FRYL: variants seen among roughly 807,000 people sequenced by gnomAD.
The protein encoded by FRYL is protein furry homolog-like.
FRYL carries 150 observed loss-of-function variants against 351.2 expected under a neutral mutation model. The observed-to-expected ratio is 0.43, with a 90% confidence interval of 0.37 to 0.49. The LOEUF (loss-of-function observed/expected upper bound fraction) is 0.49, where lower values mean the gene tolerates loss of function less well. Among genes scored for constraint, FRYL ranks in the 20% least tolerant of loss-of-function variants. The probability of loss-of-function intolerance (pLI) is 0.00; values close to 1 mark genes in which losing one functional copy is unlikely to be tolerated. For synonymous variants in FRYL, 1,153 were observed against 1,257.1 expected, an observed-to-expected ratio of 0.92 and a Z score of 1.75; for missense variants, 3,036 against 3,619.3, an observed-to-expected ratio of 0.84 and a Z score of 4.13.
chr4:48,701,665 T>A (rs1382130831), intron 2 of FRYL, among the ~76,000 whole-genome samples: 4 of 152,186 alleles, frequency 2.6e-5, no homozygotes, highest in African/African-American at 9.7e-5. Flanking sequence ...AGTAAACTAA[T>A]CCTTGTCAAT....
chr4:48,646,468 A>C lies in FRYL; in HGVS notation c.-80-11978T>G, dbSNP rs115387534. ...CAACTAATAGATCTAAAATCGTCAA[A>C]AATGCCATCAAACAGGCAATGTCCT... On this transcript the variant is annotated intron_variant, in intron 3 of 63. Transcript: ENST00000358350. 6.5e-3 allele frequency among the ~76,000 whole-genome samples: 993 copies of C among 152,354 alleles called. 7 individuals carry two copies. Among genetic ancestry groups the C allele is most frequent in the Non-Finnish European group, 0.011 (765 of 68,038 alleles).
intron 35 of FRYL, among the ~76,000 whole-genome samples, chr4:48,556,005 C>T (rs1358835529): frequency 6.6e-6 from 1 of 152,194 alleles, no homozygotes; most frequent in Non-Finnish European, 1.5e-5. Flanking sequence ...AGCAATTCTC[C>T]TGCCTCAGCC....
chr4:48,576,279 G>T, intron 23 of FRYL, 57 bp from the exon 24 acceptor site: 64 of 1,174,760 alleles, frequency 5.4e-5, no homozygotes, highest in South Asian at 7.2e-5. Flanking sequence ...GTTTTTAAAA[G>T]TTTATTTTAA....
Position 48,539,646 on chromosome 4 carries a change from C to T in FRYL, c.6393+325G>A, listed in dbSNP as rs181664574. 1.7e-3 allele frequency among the ~76,000 whole-genome samples: 253 copies of T among 152,072 alleles called. 2 individuals are homozygous for T. The highest frequency in any genetic ancestry group is 5.9e-3 in the African/African-American group (244 of 41,490). ...CTTATCATGTATTTGTAGCATCTAACCCAGTGCTCAGTAAATATTTGGTAG... is the reference window on the plus strand; with the variant it reads ...CTTATCATGTATTTGTAGCATCTAATCCAGTGCTCAGTAAATATTTGGTAG... On this transcript the variant is annotated intron_variant, in intron 47 of 63. Coordinates refer to ENST00000358350, the MANE Select transcript of FRYL (RefSeq NM_015030.2).
chr4:48,520,213 A>C (rs1422242839), intron 55 of FRYL, among the ~76,000 whole-genome samples: 3 of 152,206 alleles, frequency 2.0e-5, no homozygotes, highest in Non-Finnish European at 4.4e-5. Context: ...TATGAGTATG[A>C]GCATTTTAAA....
chr4:48,511,034 TTTTCATC>T, intron 57 of FRYL, 50 bp from the exon 58 acceptor site: 1 of 1,337,108 alleles, frequency 7.5e-7, no homozygotes, highest in Non-Finnish European at 1.0e-6. Context: ...AGAAGGCCTT[TTTTCATC>T]TTTAAGTAAA....
intron 1 of FRYL, among the ~76,000 whole-genome samples, chr4:48,734,950 A>G (rs1771150766): frequency 6.6e-6 from 1 of 151,930 alleles, no homozygotes; most frequent in Non-Finnish European, 1.5e-5. Context: ...CAATGGCAAC[A>G]AAAGACAAAA....
chr4:48,591,063 G>A (rs527636736), intron 16 of FRYL, among the ~76,000 whole-genome samples: 2 of 152,106 alleles, frequency 1.3e-5, no homozygotes, highest in South Asian at 2.1e-4. Flanking sequence ...CTTCCTTATT[G>A]TCTCTAAGGC....
intron 1 of FRYL, among the ~76,000 whole-genome samples, chr4:48,768,956 C>T (rs1775248914): frequency 6.6e-6 from 1 of 152,042 alleles, no homozygotes; most frequent in Non-Finnish European, 1.5e-5. Flanking sequence ...CACAGCGACG[C>T]CCTGTCTTTA....
At chr4:48,550,869 C>T (rs769244584) in intron 37 of FRYL, among the ~76,000 whole-genome samples, 165 bp from the exon 38 acceptor site, 4 of 152,100 alleles carry the variant, frequency 2.6e-5, no homozygotes, top group African/African-American at 9.7e-5. Context: ...GTCAGGAGAT[C>T]GAGACCATCC....
chr4:48,603,345 A>G lies in FRYL; in HGVS notation c.878T>C (p.Val293Ala), dbSNP rs1331380113. The G allele has an allele frequency of 1.2e-6, 2 of 1,612,796 alleles. No homozygotes were observed. The highest frequency in any genetic ancestry group is 1.1e-5 in the South Asian group (1 of 90,908). ...AAAAGTAGTCTGATAAAGCATCTCC[A>G]CAAAATTTTTCAAACAGGGAACATT... ...EVNVPCLKNF[V>A]EMLYQTTFEL... is the part of the protein sequence containing the mutation. The change falls in exon 12 of 64, where the codon GTG (valine) becomes GCG (alanine). Residue 293 changes from valine to alanine, a missense_variant. By Grantham distance (64) the Val-to-Ala change is moderately conservative (BLOSUM62 0). Transcript: ENST00000358350.
At position 48,671,184 on chromosome 4, in the gene FRYL, C is replaced by T. The variant is rs191951877; in HGVS notation, c.-81+13489G>A. Among the ~76,000 whole-genome samples the T allele has an allele frequency of 4.3e-3, 662 of 152,274 alleles. 22 individuals are homozygous for T. Among genetic ancestry groups the T allele is most frequent in the Admixed American group, 0.04 (605 of 15,294 alleles). On this transcript the variant is annotated intron_variant, in intron 3 of 63. Coordinates refer to ENST00000358350, the MANE Select transcript of FRYL (RefSeq NM_015030.2). ...GATATCTCACTGTAGTTTTGATTTA[C>T]ACTTCTCTGATCATCAATGATGTTA... is the stretch of plus-strand genomic sequence containing the variant.
At chr4:48,779,439 G>C (rs1776391838) in intron 1 of FRYL, among the ~76,000 whole-genome samples, 1 of 152,124 alleles carries the variant, frequency 6.6e-6, no homozygotes, top group Admixed American at 6.5e-5. Context: ...CCCCTCCCCA[G>C]GACCGCGAGC....
chr4:48,722,859 A>G (rs1252583395), intron 1 of FRYL, among the ~76,000 whole-genome samples: 1 of 152,212 alleles, frequency 6.6e-6, no homozygotes, highest in Non-Finnish European at 1.5e-5. Flanking sequence ...AGCAAGCCAA[A>G]AGGAGAAAAA....
At chr4:48,635,706 G>A (rs752557340) in intron 3 of FRYL, among the ~76,000 whole-genome samples, 3 of 152,094 alleles carry the variant, frequency 2.0e-5, no homozygotes, top group South Asian at 2.1e-4. Context: ...TTGCTATGTC[G>A]ATCCCATATC....
chr4:48,674,972 G>A (rs1763341733), intron 3 of FRYL, among the ~76,000 whole-genome samples: 1 of 152,142 alleles, frequency 6.6e-6, no homozygotes, highest in African/African-American at 2.4e-5. Context: ...AGGCAGATAT[G>A]CTGATTACGC....
chr4:48,605,871 G>T (rs771949747), intron 10 of FRYL, 38 bp from the exon 11 acceptor site: 1 of 1,206,146 alleles, frequency 8.3e-7, no homozygotes. Flanking sequence ...ATTAACAAAA[G>T]AGGAAAGGTT....
At chr4:48,768,728 A>C (rs1408799312) in intron 1 of FRYL, among the ~76,000 whole-genome samples, 1 of 151,974 alleles carries the variant, frequency 6.6e-6, no homozygotes, top group Non-Finnish European at 1.5e-5. Flanking sequence ...ACTTGAACCC[A>C]GGAGGTGGAT....
At chr4:48,702,986 G>C (rs1766934036) in intron 2 of FRYL, among the ~76,000 whole-genome samples, 1 of 152,038 alleles carries the variant, frequency 6.6e-6, no homozygotes, top group Non-Finnish European at 1.5e-5. Flanking sequence ...ATGTCATGAT[G>C]GAAGATCGGA....
Sources: gnomAD v4.1 joint callset for allele counts (sites outside exome capture counted in the v4.1 genomes callset) on GRCh38, gnomAD v4.1.1 for gene constraint, MANE v1.5 for transcripts, NCBI Gene and HGNC (gene_info 2026-07-23, HGNC 2026-07-21) for gene names.